Variants in MAP4K3 observed in about 807,000 individuals in gnomAD.
The protein encoded by MAP4K3 is MAPK/ERK kinase kinase kinase 3.
A neutral mutation model predicts 143.5 loss-of-function variants in MAP4K3; 94 were observed. That is an observed-to-expected ratio of 0.65 (90% confidence interval 0.55 to 0.78). MAP4K3 has a LOEUF of 0.78. Among genes scored for constraint, MAP4K3 ranks in the 30% least tolerant of loss-of-function variants. The pLI is 0.00. For synonymous variants in MAP4K3, 416 were observed against 347.2 expected (o/e 1.20, Z -2.20); for missense variants, 1,077 against 1,068.1 (o/e 1.01, Z -0.12).
In MAP4K3 at chr2:39,249,289, A is replaced by G. The variant is rs1680048684; in HGVS notation, c.*1329T>C. On this transcript the variant is annotated 3_prime_UTR_variant, in exon 34 of 34. Transcript: ENST00000263881. ...GCTACTATACAACAGCATGTTAAAA[A>G]ACATGTTTATTTTACAATATGTACA... is the stretch of plus-strand genomic sequence containing the variant. 1 of 152,660 alleles carries G rather than the reference A, an allele frequency of 6.6e-6. No individual in the cohort carries two copies. The highest frequency in any genetic ancestry group is 1.5e-5 in the Non-Finnish European group (1 of 68,038). The allele number at this position is 152,660 out of a possible 1,614,324, so 9.5% of individuals were successfully genotyped here.
intron 1 of MAP4K3, among the ~76,000 whole-genome samples, chr2:39,389,122 A>G (rs1292798903): frequency 6.6e-6 from 1 of 152,222 alleles, no homozygotes; most frequent in East Asian, 1.9e-4. Flanking sequence ...CTAGAAATAA[A>G]TAAATACATG....
intron 1 of MAP4K3, among the ~76,000 whole-genome samples, chr2:39,389,353 C>A (rs1666591909): frequency 6.6e-6 from 1 of 151,920 alleles, no homozygotes; most frequent in Non-Finnish European, 1.5e-5. Context: ...TCTAATTAAA[C>A]AAGGAAGGAA....
intron 3 of MAP4K3, 174 bp downstream of exon 3, chr2:39,356,075 T>C (rs1665603167): frequency 2.0e-6 from 1 of 508,922 alleles, no homozygotes; most frequent in Non-Finnish European, 3.5e-6. Context: ...GACTGCAATA[T>C]TGGTTACAGA....
intron 15 of MAP4K3, among the ~76,000 whole-genome samples, chr2:39,301,949 G>C (rs961418776): frequency 6.6e-6 from 1 of 151,914 alleles, no homozygotes; most frequent in Non-Finnish European, 1.5e-5. Context: ...GCTTGAACCC[G>C]GGAGGCGGAG....
intron 1 of MAP4K3, among the ~76,000 whole-genome samples, chr2:39,388,988 A>C (rs1666581670): frequency 6.6e-6 from 1 of 152,206 alleles, no homozygotes; most frequent in South Asian, 2.1e-4. Context: ...AACCAAATCA[A>C]ATCCATAGAA....
At chr2:39,347,587 T>C (rs191434139) in intron 3 of MAP4K3, among the ~76,000 whole-genome samples, 10 of 152,068 alleles carry the variant, frequency 6.6e-5, no homozygotes, top group African/African-American at 1.2e-4. Context: ...TATTGTAGTG[T>C]ACAAGTCATC....
chr2:39,368,367 A>T (rs1325642271), intron 2 of MAP4K3, among the ~76,000 whole-genome samples: 1 of 152,170 alleles, frequency 6.6e-6, no homozygotes, highest in African/African-American at 2.4e-5. Flanking sequence ...ACAATGACAT[A>T]TTGTTTAAAA....
chr2:39,302,969 T>C (rs756355275), intron 15 of MAP4K3: 2 of 166,492 alleles, frequency 1.2e-5, no homozygotes, highest in Non-Finnish European at 2.9e-5. Context: ...GAACTGAAAA[T>C]GAACAAAGGA....
At chr2:39,291,137 G>A (rs375742483) in intron 18 of MAP4K3, among the ~76,000 whole-genome samples, 1 of 152,082 alleles carries the variant, frequency 6.6e-6, no homozygotes, top group South Asian at 2.1e-4. Flanking sequence ...GATATTGAAT[G>A]TTCCAACACA....
chr2:39,318,480 T>C (rs1376204538), intron 12 of MAP4K3, among the ~76,000 whole-genome samples: 2 of 152,194 alleles, frequency 1.3e-5, no homozygotes, highest in African/African-American at 4.8e-5. Flanking sequence ...ATGTAGCCTT[T>C]AATTTCTAAA....
rs926166256 is a variant in MAP4K3, at chr2:39,337,282, G to A, written c.366+244C>T. 3.9e-5 allele frequency among the ~76,000 whole-genome samples: 6 copies of A among 151,974 alleles called. No individual in the cohort carries two copies. The South Asian group carries it at 8.3e-4, about 21-fold the overall frequency. On this transcript the variant is annotated intron_variant, in intron 5 of 33. Transcript: ENST00000263881. ...TCAAGCCTTTCTTTGGTATTAAGAG[G>A]AAAATATACAATAACAGATGCATAG...
chr2:39,432,952 T>C (rs755672163), intron 1 of MAP4K3, among the ~76,000 whole-genome samples: 5 of 152,348 alleles, frequency 3.3e-5, no homozygotes, highest in South Asian at 4.1e-4. Flanking sequence ...AAGCATGTTC[T>C]ACAAAACACT....
chr2:39,371,018 A>G (rs1355373618), intron 2 of MAP4K3, among the ~76,000 whole-genome samples: 1 of 152,056 alleles, frequency 6.6e-6, no homozygotes, highest in Non-Finnish European at 1.5e-5. Context: ...ATCCATTTTT[A>G]ATTTTTTTTT....
chr2:39,263,764 T>C (rs1332534221), intron 28 of MAP4K3, among the ~76,000 whole-genome samples: 1 of 152,120 alleles, frequency 6.6e-6, no homozygotes, highest in African/African-American at 2.4e-5. Context: ...AGAGGCCTCA[T>C]TAGAGCCAGG....
At chr2:39,424,716 G>A (rs1270539119) in intron 1 of MAP4K3, among the ~76,000 whole-genome samples, 1 of 150,732 alleles carries the variant, frequency 6.6e-6, no homozygotes, top group African/African-American at 2.4e-5. Flanking sequence ...TGTAGTCCCA[G>A]CTACCTTGGG....
chr2:39,288,984 G>A lies in MAP4K3; in HGVS notation c.1315-704C>T, dbSNP rs572557355. Among the ~76,000 whole-genome samples the A allele has an allele frequency of 5.3e-5, 8 of 152,270 alleles. No homozygotes were observed. The East Asian group carries it at 9.7e-4, about 18-fold the overall frequency. On this transcript the variant is annotated intron_variant, in intron 19 of 33. Coordinates refer to ENST00000263881, the MANE Select transcript of MAP4K3 (RefSeq NM_003618.4). ...GGAGAATGGCATGAATCCGGGAGGC[G>A]TAGCTTGCAGTGAGCCAAGATAGCG... is the stretch of plus-strand genomic sequence containing the variant.
intron 2 of MAP4K3, among the ~76,000 whole-genome samples, chr2:39,369,193 G>GTTTTTTTGTTTGTTTTTTTTTT (rs747293878): frequency 1.1e-3 from 41 of 37,958 alleles, no homozygotes; most frequent in Non-Finnish European, 1.9e-3. Flanking sequence ...CTTTGGGCTA[G>GTTTTTTTGTTTGTTTTTTTTTT]TTTTTTTTTT....
At chr2:39,291,503 A>G (rs914135059) in intron 18 of MAP4K3, among the ~76,000 whole-genome samples, 1 of 152,176 alleles carries the variant, frequency 6.6e-6, no homozygotes. Context: ...TCTTTGATGA[A>G]GCTCATCAAA....
intron 13 of MAP4K3, among the ~76,000 whole-genome samples, chr2:39,311,941 A>C (rs1307575651): frequency 6.6e-6 from 1 of 152,254 alleles, no homozygotes; most frequent in Non-Finnish European, 1.5e-5. Flanking sequence ...TAATCAAAAG[A>C]GATCCATAAG....
Sources: gnomAD v4.1 joint callset for allele counts (sites outside exome capture counted in the v4.1 genomes callset) on GRCh38, gnomAD v4.1.1 for gene constraint, MANE v1.5 for transcripts, NCBI Gene and HGNC (gene_info 2026-07-23, HGNC 2026-07-21) for gene names.